ANO1: variants seen among roughly 807,000 people sequenced by gnomAD.
The protein encoded by ANO1 is anoctamin-1.
Under a neutral mutation model 124.0 loss-of-function variants are expected in ANO1, and 59 were observed. The observed-to-expected ratio is 0.48, with a 90% confidence interval of 0.39 to 0.59. The LOEUF is 0.59. ANO1 is among the 20% of genes least tolerant of loss of function. ANO1 has a pLI of 0.00. For synonymous variants in ANO1, 529 were observed against 532.0 expected (o/e 0.99, Z 0.08); for missense variants, 1,059 against 1,328.0 (o/e 0.80, Z 3.15).
At chr11:70,187,428 G>A (rs781627175) in intron 25 of ANO1, among the ~76,000 whole-genome samples, 26 of 152,148 alleles carry the variant, frequency 1.7e-4, no homozygotes, top group African/African-American at 5.3e-4. Flanking sequence ...CTCGATGCTC[G>A]TTAGATTTGG....
chr11:70,145,241 C>T (rs918092998), intron 11 of ANO1, among the ~76,000 whole-genome samples: 1 of 152,174 alleles, frequency 6.6e-6, no homozygotes, highest in Non-Finnish European at 1.5e-5. Context: ...CTTCACATTC[C>T]TTTCCTGCTG....
In ANO1 at chr11:69,988,478, A is replaced by G. The variant is rs146698118; in HGVS notation, c.58+2312A>G. On this transcript the variant is annotated intron_variant, in intron 1 of 27. Transcript: ENST00000531349. ...CAAAGTGCCTGGCTCTGTTCTGTGC[A>G]TGAGTGAGGATTATCATCATTGTCA... Among the ~76,000 whole-genome samples the G allele has an allele frequency of 5.3e-5, 8 of 152,324 alleles. No homozygotes were observed. The East Asian group carries it at 9.7e-4, about 18-fold the overall frequency.
At chr11:70,180,155 T>C in intron 23 of ANO1, 99 bp downstream of exon 23, 1 of 1,143,628 alleles carries the variant, frequency 8.7e-7, no homozygotes, top group Non-Finnish European at 1.3e-6. Context: ...GTCTTCTGCC[T>C]CTAGCCATGG....
chr11:70,169,601 C>A (rs2048379627), intron 21 of ANO1, among the ~76,000 whole-genome samples: 1 of 152,118 alleles, frequency 6.6e-6, no homozygotes, highest in Non-Finnish European at 1.5e-5. Flanking sequence ...CAGCCCCTGG[C>A]CCTCATGCAC....
At chr11:70,096,347 C>T (rs1014252240) in intron 2 of ANO1, among the ~76,000 whole-genome samples, 3 of 152,172 alleles carry the variant, frequency 2.0e-5, no homozygotes, top group Non-Finnish European at 4.4e-5. Context: ...TCCTCCTCCT[C>T]TGCTGGGCAC....
At position 70,088,034 on chromosome 11, in the gene ANO1, T is replaced by A; in HGVS notation, c.391T>A (p.Tyr131Asn). Residue 131 changes from tyrosine (Y) to asparagine (N), a missense_variant, in exon 2 of 26, where the codon TAC becomes AAC. Tyr to Asn is a moderately radical substitution (Grantham distance 143, BLOSUM62 -2). Transcript: ENST00000355303. ...EDDKRFRREE[Y>N]EGNLLEAGLE... ...TGACAAGCGCTTCCGCAGGGAGGAG[T>A]ACGAGGGCAACCTCCTGGAGGCGGG... The A allele has an allele frequency of 6.8e-7, 1 of 1,469,922 alleles. No homozygotes were observed. Among genetic ancestry groups the A allele is most frequent in the South Asian group, 1.5e-5 (1 of 68,758 alleles). 91.1% of individuals were successfully genotyped at this position (1,469,922 alleles called of 1,614,324 possible). A position where few individuals can be genotyped will look rare whatever the true frequency, so the allele number is the denominator to read the frequency against.
At chr11:70,184,758 C>CT (rs1167103243) in intron 24 of ANO1, among the ~76,000 whole-genome samples, 1 of 152,076 alleles carries the variant, frequency 6.6e-6, no homozygotes, top group African/African-American at 2.4e-5. Flanking sequence ...GTTTGGTTTG[C>CT]TTTTTTTAGA....
intron 12 of ANO1, among the ~76,000 whole-genome samples, chr11:70,152,102 C>T (rs967650069): frequency 2.4e-4 from 37 of 152,030 alleles, no homozygotes; most frequent in Non-Finnish European, 4.3e-4. Flanking sequence ...TTTGGGAGGC[C>T]GAGGAGGGCG....
At chr11:70,170,215 C>A (rs771760840) in intron 21 of ANO1, 4 of 453,542 alleles carry the variant, frequency 8.8e-6, no homozygotes, top group South Asian at 6.2e-5. Flanking sequence ...AGCAGCAGGG[C>A]CACTGCCACG....
chr11:70,019,251 A>T (rs1312809028), intron 1 of ANO1, among the ~76,000 whole-genome samples: 1 of 90,280 alleles, frequency 1.1e-5, no homozygotes, highest in Admixed American at 1.2e-4. Flanking sequence ...CCCCACACAC[A>T]CACACACACA....
upstream of ANO1, among the ~76,000 whole-genome samples, chr11:69,984,687 C>T (rs1181007994): frequency 6.6e-6 from 1 of 152,132 alleles, no homozygotes; most frequent in Non-Finnish European, 1.5e-5. Flanking sequence ...GGTCTGTCCT[C>T]CAGGGGTAGC....
chr11:70,161,800 C>CA, intron 18 of ANO1, 67 bp downstream of exon 18: 2 of 1,516,228 alleles, frequency 1.3e-6, no homozygotes, highest in South Asian at 1.1e-5. Context: ...TCTCCCTCCC[C>CA]ACAGGTTGGG....
chr11:70,135,671 G>C (rs1217772119), intron 11 of ANO1, among the ~76,000 whole-genome samples: 3 of 152,212 alleles, frequency 2.0e-5, no homozygotes, highest in South Asian at 2.1e-4. Context: ...AAAGAAGGAC[G>C]TGGTGTTTCA....
the ANO1 span, among the ~76,000 whole-genome samples, chr11:69,970,848 G>A: frequency 2.0e-5 from 3 of 152,196 alleles, no homozygotes; most frequent in African/African-American, 4.8e-5. Flanking sequence ...TGCTCAGCAC[G>A]GATATCCACC....
At chr11:70,117,437 C>T (rs2046032029) in intron 8 of ANO1, among the ~76,000 whole-genome samples, 1 of 152,104 alleles carries the variant, frequency 6.6e-6, no homozygotes. Flanking sequence ...TCCCCACCCT[C>T]TACCCCTCAC....
At chr11:70,007,353 G>C (rs1160351702) in intron 1 of ANO1, among the ~76,000 whole-genome samples, 3 of 146,744 alleles carry the variant, frequency 2.0e-5, no homozygotes, top group African/African-American at 7.6e-5. Flanking sequence ...CTCAGCTCAC[G>C]GCAAGCTCCG....
chr11:69,966,655 G>A, the ANO1 span, among the ~76,000 whole-genome samples: 1 of 152,178 alleles, frequency 6.6e-6, no homozygotes, highest in African/African-American at 2.4e-5. Context: ...GGTAAGGATG[G>A]GGTTGGGGCG....
At chr11:70,030,136 G>A (rs1327143124) in intron 1 of ANO1, among the ~76,000 whole-genome samples, 2 of 152,258 alleles carry the variant, frequency 1.3e-5, no homozygotes, top group Non-Finnish European at 2.9e-5. Context: ...GGCCCTCTCA[G>A]GGAAGCGAAA....
chr11:70,149,558 G>A, intron 11 of ANO1, 152 bp from the exon 12 acceptor site: 1 of 698,852 alleles, frequency 1.4e-6, no homozygotes, highest in Non-Finnish European at 2.4e-6. Context: ...GGCTGAGGAA[G>A]GAGAATCGCT....
Sources: gnomAD v4.1 joint callset for allele counts (sites outside exome capture counted in the v4.1 genomes callset) on GRCh38, gnomAD v4.1.1 for gene constraint, MANE v1.5 for transcripts, NCBI Gene and HGNC (gene_info 2026-07-23, HGNC 2026-07-21) for gene names.